The following FAM168B variants were observed in gnomAD, a reference collection of about 807,000 sequenced individuals.
FAM168B encodes family with sequence similarity 168 member B, also known as myelin-associated neurite-outgrowth inhibitor.
In FAM168B, 19 loss-of-function variants were observed where a neutral mutation model predicts 21.8. That is an observed-to-expected ratio of 0.87 (90% CI 0.61 to 1.28). The LOEUF is 1.28. Ranked by LOEUF, FAM168B falls within the 50% of genes most tolerant of loss-of-function variation. FAM168B has a pLI of 0.00. For synonymous variants in FAM168B, 126 were observed against 104.8 expected (o/e 1.20, Z -1.24); for missense variants, 233 against 263.1 (o/e 0.89, Z 0.79).
Position 131,051,207 on chromosome 2 carries a change from C to T in FAM168B, c.*1258G>A, listed in dbSNP as rs889245028. On this transcript the variant is annotated 3_prime_UTR_variant, in exon 7 of 7. Coordinates refer to ENST00000389915, the MANE Select transcript of FAM168B (RefSeq NM_001009993.4). The stretch of plus-strand genomic sequence containing the variant: ...GACACTGGCCTCCCCCTCGCCCCAT[C>T]TCTAAGCGTCCCCTCCAGCCGGCCT... 1.0e-6 allele frequency: 1 copy of T among 984,984 alleles called. No individual in the cohort carries two copies. Among genetic ancestry groups the T allele is most frequent in the Non-Finnish European group, 1.2e-6 (1 of 829,852 alleles). 61.0% of individuals were successfully genotyped at this position (984,984 alleles called of 1,614,324 possible). A position where few individuals can be genotyped will look rare whatever the true frequency, so the allele number is the denominator to read the frequency against.
At chr2:131,065,423 G>A (rs922050471) in intron 3 of FAM168B, among the ~76,000 whole-genome samples, 6 of 152,114 alleles carry the variant, frequency 3.9e-5, no homozygotes, top group South Asian at 2.1e-4. Context: ...TCTCCCCCTC[G>A]GCTGCCATGC....
rs887594775 is a variant in FAM168B at position 131,051,617 on chromosome 2, A to G, written c.*848T>C. On this transcript the variant is annotated 3_prime_UTR_variant, in exon 7 of 7. Coordinates refer to ENST00000389915, the MANE Select transcript of FAM168B (RefSeq NM_001009993.4). ...TTTAGTTTTACATAGGACTTTTCCAATAAAGACATATAAAAACATCATCTC... is the reference window on the plus strand; with the variant it reads ...TTTAGTTTTACATAGGACTTTTCCAGTAAAGACATATAAAAACATCATCTC... The G allele has an allele frequency of 5.1e-6, 5 of 985,248 alleles. No homozygotes were observed. The highest frequency in any genetic ancestry group is 2.3e-4 in the East Asian group (2 of 8,826). 61.0% of individuals were successfully genotyped at this position (985,248 alleles called of 1,614,324 possible).
At chr2:131,069,968 C>A (rs1692788543) in intron 3 of FAM168B, among the ~76,000 whole-genome samples, 1 of 151,962 alleles carries the variant, frequency 6.6e-6, no homozygotes, top group South Asian at 2.1e-4. Context: ...AAGTGATTCT[C>A]CTGCCTCAGC....
intron 3 of FAM168B, among the ~76,000 whole-genome samples, chr2:131,068,434 C>CAG (rs1692687065): frequency 6.6e-6 from 1 of 152,142 alleles, no homozygotes; most frequent in African/African-American, 2.4e-5. Context: ...GCTAGGATTA[C>CAG]AGGAATGAAA....
chr2:131,056,239 G>A (rs1300268065), intron 3 of FAM168B, among the ~76,000 whole-genome samples: 1 of 152,170 alleles, frequency 6.6e-6, no homozygotes, highest in Non-Finnish European at 1.5e-5. Flanking sequence ...TGGGTTAAGG[G>A]AGAAAGCTGA....
chr2:131,063,916 C>T (rs1439398792), intron 3 of FAM168B, among the ~76,000 whole-genome samples: 1 of 151,754 alleles, frequency 6.6e-6, no homozygotes, highest in Non-Finnish European at 1.5e-5. Context: ...CATAGTAACT[C>T]AACAGGAACT....
chr2:131,086,733 T>C (rs1022428540), intron 1 of FAM168B, among the ~76,000 whole-genome samples: 3 of 152,152 alleles, frequency 2.0e-5, no homozygotes, highest in African/African-American at 7.2e-5. Flanking sequence ...AGATTAAAAG[T>C]ATGAATACTT....
At chr2:131,072,236 G>A (rs1692909923) in intron 2 of FAM168B, among the ~76,000 whole-genome samples, 2 of 152,068 alleles carry the variant, frequency 1.3e-5, no homozygotes, top group African/African-American at 4.8e-5. Context: ...CGATTCTCCT[G>A]CCTCAGCCTT....
chr2:131,087,696 G>C (rs962284609), intron 1 of FAM168B, among the ~76,000 whole-genome samples: 12 of 152,134 alleles, frequency 7.9e-5, no homozygotes, highest in Non-Finnish European at 1.5e-4. Context: ...GGCCTGAGTG[G>C]AGATGTCCTC....
In FAM168B at chr2:131,048,927, C is replaced by A; in HGVS notation, c.*3538G>T. ...GGCGACAATGGACACATCCAACAGT[C>A]AGCTGTCGGATAAGGTGAAGGTGGC... On this transcript the variant is annotated 3_prime_UTR_variant, in exon 7 of 7. Transcript: ENST00000389915. 2 of 985,942 alleles carry A rather than the reference C, an allele frequency of 2.0e-6. No individual in the cohort carries two copies. The highest frequency in any genetic ancestry group is 2.4e-6 in the Non-Finnish European group (2 of 830,040). 61.1% of individuals were successfully genotyped at this position (985,942 alleles called of 1,614,324 possible). A position where few individuals can be genotyped will look rare whatever the true frequency, so the allele number is the denominator to read the frequency against.
intron 3 of FAM168B, among the ~76,000 whole-genome samples, chr2:131,058,619 T>A (rs891420211): frequency 6.6e-5 from 10 of 152,224 alleles, no homozygotes; most frequent in African/African-American, 2.4e-4. Flanking sequence ...ACTGCCAAAA[T>A]TTGAATACAA....
chr2:131,091,723 T>A (rs1694041970), intron 1 of FAM168B, among the ~76,000 whole-genome samples: 1 of 151,868 alleles, frequency 6.6e-6, no homozygotes, highest in Non-Finnish European at 1.5e-5. Context: ...TGGGTTTGCA[T>A]TTTACTGGGA....
intron 3 of FAM168B, among the ~76,000 whole-genome samples, chr2:131,062,735 G>A (rs772144575): frequency 1.3e-5 from 2 of 152,036 alleles, no homozygotes; most frequent in African/African-American, 2.4e-5. Context: ...GGTATGAGCC[G>A]CCGCGTCCGG....
chr2:131,076,077 C>T (rs1188027684), intron 2 of FAM168B, among the ~76,000 whole-genome samples: 1 of 152,152 alleles, frequency 6.6e-6, no homozygotes, highest in Non-Finnish European at 1.5e-5. Flanking sequence ...ACAAAACCCA[C>T]AGGGGCAGCT....
rs535723586 is a variant in FAM168B at position 131,087,871 on chromosome 2, C to G, written c.-11-5214G>C. ...CATTATTCCTAACAGCCAAAAACTG[C>G]AAATTCAAATGAAGTACTGAAGGAT... On this transcript the variant is annotated intron_variant, in intron 1 of 6. Coordinates refer to ENST00000389915, the MANE Select transcript of FAM168B (RefSeq NM_001009993.4). Among the ~76,000 whole-genome samples, 3 of 152,308 alleles carry G rather than the reference C, an allele frequency of 2.0e-5. No individual in the cohort carries two copies. The South Asian group carries it at 6.2e-4, about 32-fold the overall frequency.
Position 131,050,892 on chromosome 2 carries a change from C to T in FAM168B, c.*1573G>A, listed in dbSNP as rs1317411242. On this transcript the variant is annotated 3_prime_UTR_variant, in exon 7 of 7. Transcript: ENST00000389915. The stretch of plus-strand genomic sequence containing the variant: ...AGACGCACGCTCCTGCCCTAGAGGC[C>T]GCTGAAAGGGACCCAGGCCTTACAT... 4.1e-6 allele frequency: 4 copies of T among 985,610 alleles called. No individual in the cohort carries two copies. In the African/African-American group the frequency reaches 7.0e-5, roughly 17 times the overall value. 61.1% of individuals were successfully genotyped at this position (985,610 alleles called of 1,614,324 possible).
chr2:131,073,234 A>G (rs970563032), intron 2 of FAM168B, among the ~76,000 whole-genome samples: 1 of 151,950 alleles, frequency 6.6e-6, no homozygotes, highest in African/African-American at 2.4e-5. Flanking sequence ...CTGGGACTAC[A>G]GGCGTGCACC....
intron 2 of FAM168B, among the ~76,000 whole-genome samples, chr2:131,078,072 T>C (rs1260611765): frequency 2.6e-5 from 4 of 152,082 alleles, no homozygotes; most frequent in Non-Finnish European, 4.4e-5. Context: ...AAAGAAGACA[T>C]CATCAGTGAA....
At chr2:131,067,704 A>G (rs1692637923) in intron 3 of FAM168B, among the ~76,000 whole-genome samples, 1 of 152,072 alleles carries the variant, frequency 6.6e-6, no homozygotes, top group South Asian at 2.1e-4. Context: ...CTAGGCAACA[A>G]AGTGAGATCC....
Sources: allele counts gnomAD v4.1 joint callset (sites outside exome capture counted in the v4.1 genomes callset), GRCh38; gene constraint gnomAD v4.1.1; transcripts MANE v1.5; gene names NCBI Gene and HGNC (gene_info 2026-07-23, HGNC 2026-07-21).